Variants in TPR observed in about 807,000 individuals in gnomAD.
The protein encoded by TPR is nucleoprotein TPR.
In TPR, 51 loss-of-function variants were observed where a neutral mutation model predicts 316.1. The ratio of observed to expected loss-of-function variants is 0.16; its 90% CI spans 0.13 to 0.20. The LOEUF (loss-of-function observed/expected upper bound fraction) is 0.20. Among genes scored for constraint, TPR ranks in the 10% least tolerant of loss-of-function variants. TPR has a pLI of 1.00. For missense variants in TPR, 2,272 were observed against 2,754.8 expected, an observed-to-expected ratio of 0.82 and a Z score of 3.92; for synonymous variants, 981 against 914.7, an observed-to-expected ratio of 1.07 and a Z score of -1.31.
At chr1:186,335,227 T>C in intron 34 of TPR, 98 bp from the exon 35 acceptor site, 1 of 1,543,424 alleles carries the variant, frequency 6.5e-7, no homozygotes, top group Non-Finnish European at 8.8e-7. Context: ...TCTCCGCATA[T>C]ATTGAATTTT....
chr1:186,368,069 G>T, intron 3 of TPR, 87 bp from the exon 4 acceptor site: 1 of 874,712 alleles, frequency 1.1e-6, no homozygotes, highest in Non-Finnish European at 1.8e-6. Context: ...GTTAACATCA[G>T]CTGTAGTGTA....
chr1:186,336,765 T>TA (rs1379768649), intron 32 of TPR, 71 bp from the exon 33 acceptor site: 4 of 1,484,030 alleles, frequency 2.7e-6, no homozygotes, highest in Non-Finnish European at 3.7e-6. Context: ...GGTAGCAACT[T>TA]AAAGTATAAC....
At chr1:186,373,620 T>G (rs1286426934) in intron 1 of TPR, among the ~76,000 whole-genome samples, 157 bp from the exon 2 acceptor site, 5 of 152,296 alleles carry the variant, frequency 3.3e-5, no homozygotes, top group Non-Finnish European at 2.9e-5. Context: ...ATAAATAGAC[T>G]GAGCACTGAA....
At chr1:186,325,038 A>T (rs1018845776) in intron 42 of TPR, among the ~76,000 whole-genome samples, 2 of 152,126 alleles carry the variant, frequency 1.3e-5, no homozygotes, top group Non-Finnish European at 2.9e-5. Context: ...AAAAAATTTA[A>T]AAGTTTTGTC....
intron 4 of TPR, among the ~76,000 whole-genome samples, chr1:186,364,765 A>G (rs1659287011): frequency 6.6e-6 from 1 of 152,222 alleles, no homozygotes; most frequent in Admixed American, 6.5e-5. Context: ...TGCCTGCACC[A>G]GGTTTTTAAT....
chr1:186,337,715 T>A (rs1286970503), intron 31 of TPR, among the ~76,000 whole-genome samples: 1 of 152,006 alleles, frequency 6.6e-6, no homozygotes, highest in African/African-American at 2.4e-5. Flanking sequence ...CATAAACAAT[T>A]TATTTAAAAC....
chr1:186,353,881 C>T (rs1283801653), intron 17 of TPR, 31 bp from the exon 18 acceptor site: 1 of 1,598,782 alleles, frequency 6.3e-7, no homozygotes, highest in Non-Finnish European at 8.5e-7. Flanking sequence ...CTACAAGTAA[C>T]TGAAATGATA....
chr1:186,337,504 G>GATAC (rs907148594), intron 31 of TPR, among the ~76,000 whole-genome samples: 177 of 152,128 alleles, frequency 1.2e-3, no homozygotes, highest in African/African-American at 4.1e-3. Flanking sequence ...TATGAAAAGG[G>GATAC]ATACTAATGT....
chr1:186,341,391 TA>T lies in TPR; in HGVS notation c.3751-3del. On this transcript the variant is annotated splice_region_variant and splice_polypyrimidine_tract_variant and intron_variant, in intron 27 of 50. Transcript: ENST00000367478. ...CTGAGCCATTGTTTTTGCAGTTACC[TA>T]AACATTTCAAATAAATATACATACC... 6.2e-7 allele frequency: 1 copy of T among 1,611,186 alleles called. No individual in the cohort carries two copies. The highest frequency in any genetic ancestry group is 8.5e-7 in the Non-Finnish European group (1 of 1,179,606).
chr1:186,349,004 C>A (rs1227325455), intron 21 of TPR, among the ~76,000 whole-genome samples: 7 of 152,040 alleles, frequency 4.6e-5, no homozygotes, highest in Non-Finnish European at 1.0e-4. Context: ...CAGAGAGATG[C>A]TTCTCTACTC....
intron 5 of TPR, 70 bp downstream of exon 5, chr1:186,363,272 T>G: frequency 7.6e-7 from 1 of 1,324,370 alleles, no homozygotes; most frequent in Middle Eastern, 1.8e-4. Context: ...TTGCCTATAT[T>G]TGAAATTTAA....
At chr1:186,353,974 ATG>A in intron 17 of TPR, 124 bp from the exon 18 acceptor site, 1 of 736,520 alleles carries the variant, frequency 1.4e-6, no homozygotes, top group Non-Finnish European at 2.2e-6. Context: ...TCTAATCCTA[ATG>A]TAACATCATA....
rs997096112 is a variant in TPR, at chr1:186,344,235, G to A, written c.3417+140C>T. On this transcript the variant is annotated intron_variant, in intron 25 of 50. Coordinates refer to ENST00000367478, the MANE Select transcript of TPR (RefSeq NM_003292.3). ...GAATTGCTTGAACCCAGCAGGTGGA[G>A]ATTGCAGTGACCCCAATATCACGCC... 3.1e-5 allele frequency: 42 copies of A among 1,344,900 alleles called. 1 individual carries two copies. In the Middle Eastern group the frequency reaches 9.8e-4, roughly 31 times the overall value. 83.3% of individuals were successfully genotyped at this position (1,344,900 alleles called of 1,614,324 possible). A position where few individuals can be genotyped will look rare whatever the true frequency, so the allele number is the denominator to read the frequency against.
chr1:186,347,055 TCA>T (rs1295303410), intron 22 of TPR, among the ~76,000 whole-genome samples: 1 of 152,156 alleles, frequency 6.6e-6, no homozygotes, highest in Non-Finnish European at 1.5e-5. Context: ...TCCCTACCTC[TCA>T]GTCTCCTCAA....
intron 39 of TPR, among the ~76,000 whole-genome samples, chr1:186,330,872 G>C (rs1257586152): frequency 6.6e-6 from 1 of 152,038 alleles, no homozygotes; most frequent in East Asian, 1.9e-4. Flanking sequence ...CCTAATATGT[G>C]GCAGGTACTA....
rs979367667 is a variant in TPR, at chr1:186,327,757, G to A, written c.5689-97C>T. 2.9e-6 allele frequency: 3 copies of A among 1,029,550 alleles called. No individual in the cohort carries two copies. The African/African-American group carries it at 4.9e-5, about 17-fold the overall frequency. The allele number at this position is 1,029,550 out of a possible 1,614,324, so 63.8% of individuals were successfully genotyped here. Reference sequence around the variant, plus strand: ...ATTATAGGTCAAAGTAAAGAATAATGAGTACTTATGGACTAGCAGCATTTA... The same window carrying A: ...ATTATAGGTCAAAGTAAAGAATAATAAGTACTTATGGACTAGCAGCATTTA... On this transcript the variant is annotated intron_variant, in intron 39 of 50. Coordinates refer to ENST00000367478, the MANE Select transcript of TPR (RefSeq NM_003292.3).
At chr1:186,357,687 T>A in intron 13 of TPR, 64 bp from the exon 14 acceptor site, 3 of 1,430,798 alleles carry the variant, frequency 2.1e-6, no homozygotes, top group Non-Finnish European at 2.8e-6. Flanking sequence ...AAGTTTAGAA[T>A]GAAAGTTTTC....
intron 27 of TPR, 75 bp from the exon 28 acceptor site, chr1:186,341,464 T>C (rs1263258661): frequency 1.4e-6 from 2 of 1,447,690 alleles, no homozygotes; most frequent in Non-Finnish European, 1.9e-6. Flanking sequence ...TGAGCTCAAA[T>C]CCTCCCTATG....
rs1176199485 is a variant in TPR at position 186,317,554 on chromosome 1, C to T, written c.6868G>A (p.Glu2290Lys). 6.2e-7 allele frequency: 1 copy of T among 1,614,118 alleles called. No homozygotes were observed. The highest frequency in any genetic ancestry group is 1.7e-5 in the Admixed American group (1 of 60,014). The change falls in exon 49 of 51, where the codon GAG (glutamate) becomes AAG (lysine). Residue 2290 changes from glutamate to lysine, a missense_variant. This residue lies in a region of TPR where 123 missense variants were observed against 142.3 expected (regional missense o/e 0.86). Transcript: ENST00000367478. ...GACTCATCAGATGCTTGAACCGGCT[C>T]TTCTTCCTGCTGGCTATCAATTTCT... ...GLEIDSQQEE[E>K]PVQASDESDL...
Sources: gnomAD v4.1 joint callset for allele counts (sites outside exome capture counted in the v4.1 genomes callset) on GRCh38, gnomAD v4.1.1 for gene constraint, gnomAD v4.1.1 regional missense constraint, MANE v1.5 for transcripts, NCBI Gene and HGNC (gene_info 2026-07-23, HGNC 2026-07-21) for gene names.